FGF2: variants seen among roughly 807,000 people sequenced by gnomAD.
The protein encoded by FGF2 is fibroblast growth factor 2, also known as basic fibroblast growth factor bFGF.
Under a neutral mutation model 15.9 loss-of-function variants are expected in FGF2, and 13 were observed. The observed-to-expected ratio is 0.82, with a 90% CI of 0.53 to 1.30. The LOEUF is 1.30. FGF2 is among the 50% of genes most tolerant of loss of function. FGF2 has a pLI of 0.00. For synonymous variants in FGF2, 90 were observed against 78.4 expected (o/e 1.15, Z -0.78); for missense variants, 163 against 196.9 (o/e 0.83, Z 1.03).
At chr4:122,862,269 AT>A (rs1329499509) in intron 1 of FGF2, among the ~76,000 whole-genome samples, 1 of 152,184 alleles carries the variant, frequency 6.6e-6, no homozygotes, top group Non-Finnish European at 1.5e-5. Context: ...ATCTCTCTAA[AT>A]ATCAGCTTCC....
intron 1 of FGF2, among the ~76,000 whole-genome samples, chr4:122,853,160 T>C (rs2150772528): frequency 6.6e-6 from 1 of 152,128 alleles, no homozygotes; most frequent in South Asian, 2.1e-4. Context: ...TAGCCAGGTG[T>C]GGTGGTGGGT....
At chr4:122,890,888 G>A (rs45503899) in intron 2 of FGF2, among the ~76,000 whole-genome samples, 6,287 of 151,986 alleles carry the variant, frequency 0.041, 182 homozygotes, top group African/African-American at 0.073. Context: ...TTTATCATTC[G>A]ATTGATATAT....
chr4:122,844,772 G>A (rs938094741), intron 1 of FGF2, among the ~76,000 whole-genome samples: 1 of 151,852 alleles, frequency 6.6e-6, no homozygotes, highest in African/African-American at 2.4e-5. Flanking sequence ...GAATAGCTGA[G>A]ACTACAGGTA....
At chr4:122,871,468 C>CT (rs965188208) in intron 1 of FGF2, among the ~76,000 whole-genome samples, 7 of 152,150 alleles carry the variant, frequency 4.6e-5, no homozygotes, top group African/African-American at 1.7e-4. Flanking sequence ...TTGTAGGTCT[C>CT]TAAGAGGCAC....
rs140571362 is a variant in FGF2, at chr4:122,862,292, T to C, written c.179-14029T>C. ...AAATATCAGCTTCCTTATTTCTAAA[T>C]AGGGAAGGTGTACTGGATGATCCCT... On this transcript the variant is annotated intron_variant, in intron 1 of 2. Transcript: ENST00000644866. Among the ~76,000 whole-genome samples the C allele has an allele frequency of 3.9e-3, 596 of 152,316 alleles. 6 individuals are homozygous for C. The highest frequency in any genetic ancestry group is 0.013 in the African/African-American group (551 of 41,570).
At chr4:122,838,900 TG>T (rs567618039) in intron 1 of FGF2, among the ~76,000 whole-genome samples, 98 of 152,332 alleles carry the variant, frequency 6.4e-4, no homozygotes, top group African/African-American at 2.3e-3. Context: ...TTCGGTTAAT[TG>T]CAGACCTCAT....
At chr4:122,874,359 T>C (rs1020883579) in intron 1 of FGF2, among the ~76,000 whole-genome samples, 14 of 152,222 alleles carry the variant, frequency 9.2e-5, no homozygotes, top group Non-Finnish European at 1.8e-4. Flanking sequence ...TTCCTTTTAC[T>C]TCGTATTATC....
chr4:122,833,933 A>G (rs1725815297), intron 1 of FGF2, among the ~76,000 whole-genome samples: 1 of 152,164 alleles, frequency 6.6e-6, no homozygotes, highest in South Asian at 2.1e-4. Context: ...ATTGTTTAGA[A>G]CTTTTATTGG....
Position 122,827,066 on chromosome 4 carries a change from C to G in FGF2, c.-109C>G, listed in dbSNP as rs1237385877. On this transcript the variant is annotated 5_prime_UTR_variant, in exon 1 of 3. Transcript: ENST00000644866. The surrounding 1 kb of genome is among the most constrained non-coding windows in gnomAD (Gnocchi z 4.2). ...CGGGCGGGAGGCTGGGGGGCCGGGG[C>G]CGGGGCCGTGCCCCGGAGCGGGTCG... 47 of 1,112,860 alleles carry G rather than the reference C, an allele frequency of 4.2e-5. No individual in the cohort carries two copies. Among genetic ancestry groups the G allele is most frequent in the African/African-American group, 5.0e-5 (3 of 59,898 alleles). 68.9% of individuals were successfully genotyped at this position (1,112,860 alleles called of 1,614,324 possible).
At chr4:122,873,286 T>C (rs1726775790) in intron 1 of FGF2, among the ~76,000 whole-genome samples, 1 of 152,224 alleles carries the variant, frequency 6.6e-6, no homozygotes, top group South Asian at 2.1e-4. Context: ...CTTTCAGCCC[T>C]TTGACCTGCT....
intron 1 of FGF2, among the ~76,000 whole-genome samples, chr4:122,857,231 G>A (rs919889733): frequency 6.6e-6 from 1 of 152,188 alleles, no homozygotes; most frequent in Non-Finnish European, 1.5e-5. Context: ...TTTCCGTGAT[G>A]CTCAGATAGT....
chr4:122,879,777 G>A (rs6830581), intron 2 of FGF2, among the ~76,000 whole-genome samples: 1 of 152,206 alleles, frequency 6.6e-6, no homozygotes, highest in East Asian at 1.9e-4. Flanking sequence ...GCAGGGGAAG[G>A]CCTCTTTATA....
chr4:122,833,542 TTC>T (rs1725806794), intron 1 of FGF2, among the ~76,000 whole-genome samples: 1 of 152,238 alleles, frequency 6.6e-6, no homozygotes, highest in Non-Finnish European at 1.5e-5. Flanking sequence ...GAACAGATTA[TTC>T]TCTGTTCATA....
chr4:122,832,946 A>G (rs550084990), intron 1 of FGF2, among the ~76,000 whole-genome samples: 8 of 152,154 alleles, frequency 5.3e-5, no homozygotes, highest in Non-Finnish European at 1.0e-4. Context: ...TTCCAGGGGA[A>G]CTCACCCTTT....
intron 1 of FGF2, among the ~76,000 whole-genome samples, chr4:122,875,083 C>T (rs563917013): frequency 4.6e-5 from 7 of 152,170 alleles, no homozygotes; most frequent in African/African-American, 1.4e-4. Context: ...TATTTGACAC[C>T]AGAACCTATT....
intron 1 of FGF2, among the ~76,000 whole-genome samples, chr4:122,875,936 T>C (rs1726836991): frequency 6.6e-6 from 1 of 152,238 alleles, no homozygotes; most frequent in Non-Finnish European, 1.5e-5. Flanking sequence ...TCCTACACTT[T>C]TATGTACCCT....
chr4:122,868,190 A>C (rs527905680), intron 1 of FGF2, among the ~76,000 whole-genome samples: 38 of 152,252 alleles, frequency 2.5e-4, no homozygotes, highest in Non-Finnish European at 4.7e-4. Context: ...TGGGATACAT[A>C]TGCAGAACGT....
At position 122,876,029 on chromosome 4, in the gene FGF2, G is replaced by C. The variant is rs548854656; in HGVS notation, c.179-292G>C. 1.7e-4 allele frequency among the ~76,000 whole-genome samples: 26 copies of C among 152,232 alleles called. No individual in the cohort carries two copies. The South Asian group carries it at 5.4e-3, about 32-fold the overall frequency. The stretch of plus-strand genomic sequence containing the variant: ...TGCCCAACAAAGGAAACAATTCTCC[G>C]TGTGTCCCCCTTCTCTGCTCACCCT... On this transcript the variant is annotated intron_variant, in intron 1 of 2. Transcript: ENST00000644866.
rs1725652184 is a variant in FGF2 at position 122,827,061 on chromosome 4, CG to C, written c.-110del. The C allele has an allele frequency of 9.1e-7, 1 of 1,095,414 alleles. No homozygotes were observed. The highest frequency in any genetic ancestry group is 5.2e-5 in the Admixed American group (1 of 19,326). The allele number at this position is 1,095,414 out of a possible 1,614,324, so 67.9% of individuals were successfully genotyped here. Reference sequence around the variant, plus strand: ...GCTGCCGGGCGGGAGGCTGGGGGGCCGGGGCCGGGGCCGTGCCCCGGAGCGG... The same window carrying C: ...GCTGCCGGGCGGGAGGCTGGGGGGCCGGGCCGGGGCCGTGCCCCGGAGCGG... On this transcript the variant is annotated 5_prime_UTR_variant, in exon 1 of 3. Transcript: ENST00000644866. This position sits in a 1 kb window ranked among gnomAD's most constrained non-coding sequence, Gnocchi z 4.2.
Sources: allele counts gnomAD v4.1 joint callset (sites outside exome capture counted in the v4.1 genomes callset), GRCh38; gene constraint gnomAD v4.1.1; non-coding constraint Gnocchi (gnomAD v3.1); transcripts MANE v1.5; gene names NCBI Gene and HGNC (gene_info 2026-07-23, HGNC 2026-07-21).